BTK: variants seen among roughly 807,000 people sequenced by gnomAD.
BTK encodes the protein Bruton tyrosine kinase.
BTK carries 5 observed loss-of-function variants against 57.4 expected under a neutral mutation model. The ratio of observed to expected loss-of-function variants is 0.09; its 90% CI spans 0.05 to 0.18. The LOEUF (loss-of-function observed/expected upper bound fraction) is 0.18, where lower values mean the gene tolerates loss of function less well. Among genes scored for constraint, BTK ranks in the 10% least tolerant of loss-of-function variants. The pLI is 1.00. For missense variants in BTK, 194 were observed against 501.2 expected (o/e 0.39, Z 5.85); for synonymous variants, 154 against 174.3 (o/e 0.88, Z 0.92).
upstream of BTK, among the ~76,000 whole-genome samples, chrX:101,387,268 A>G (rs1890496227): frequency 9.1e-6 from 1 of 109,470 alleles, no homozygotes; most frequent in Admixed American, 9.8e-5. Flanking sequence ...TATATGTGTG[A>G]CATGGTGATT....
chrX:101,383,538 T>G (rs75290264), intron 1 of BTK, among the ~76,000 whole-genome samples: 1 of 99,109 alleles, frequency 1.0e-5, no homozygotes, highest in Non-Finnish European at 2.0e-5. Flanking sequence ...CAGACAAATC[T>G]TTTTTTTTTT....
At chrX:101,381,901 G>A (rs782015118) in intron 1 of BTK, among the ~76,000 whole-genome samples, 66 of 108,678 alleles carry the variant, frequency 6.1e-4, no homozygotes, top group African/African-American at 1.7e-3. Context: ...GCGTGGTGGC[G>A]CGCACCTGTA....
At chrX:101,386,286 G>A (rs781924152), upstream of BTK, 1 of 111,011 alleles carries the variant, frequency 9.0e-6, no homozygotes, top group East Asian at 2.8e-4. Context: ...CATGCTATCT[G>A]GTTCCCTGCT....
At chrX:101,379,233 C>T (rs1555981464) in intron 1 of BTK, among the ~76,000 whole-genome samples, 1 of 109,601 alleles carries the variant, frequency 9.1e-6, no homozygotes. Flanking sequence ...ACTACACAGC[C>T]AGCCTATGAT....
chrX:101,364,127 G>A (rs781802330), intron 5 of BTK, among the ~76,000 whole-genome samples: 179 of 108,441 alleles, frequency 1.7e-3, no homozygotes, highest in Non-Finnish European at 2.5e-3. Flanking sequence ...ACTAAAATCC[G>A]GCTGGGTGTG....
At chrX:101,369,794 T>G (rs1264264306) in intron 5 of BTK, among the ~76,000 whole-genome samples, 1 of 109,795 alleles carries the variant, frequency 9.1e-6, no homozygotes, top group Non-Finnish European at 1.9e-5. Flanking sequence ...CTTTCCTTGC[T>G]TCCTTCCTTC....
chrX:101,353,448 G>T, intron 17 of BTK, 97 bp from the exon 18 acceptor site: 1 of 917,882 alleles, frequency 1.1e-6, no homozygotes, highest in East Asian at 3.1e-5. Context: ...AGAATCAGTT[G>T]GTTCCCCGCT....
At chrX:101,382,801 C>G (rs1275381511) in intron 1 of BTK, among the ~76,000 whole-genome samples, 1 of 110,964 alleles carries the variant, frequency 9.0e-6, no homozygotes, top group Non-Finnish European at 1.9e-5. Context: ...GCCCTTTTGG[C>G]CTTCTTTTTC....
chrX:101,380,557 A>G (rs192801441), intron 1 of BTK, among the ~76,000 whole-genome samples: 4 of 111,712 alleles, frequency 3.6e-5, no homozygotes, highest in Admixed American at 2.9e-4. Flanking sequence ...TACAATCTAT[A>G]TAATCAAGAC....
At chrX:101,388,670 C>A (rs781904774), upstream of BTK, among the ~76,000 whole-genome samples, 5 of 111,670 alleles carry the variant, frequency 4.5e-5, no homozygotes, top group Non-Finnish European at 9.4e-5. Flanking sequence ...CATAATTGGG[C>A]CCCAAATTTG....
intron 2 of BTK, 40 bp downstream of exon 2, chrX:101,375,104 T>C: frequency 8.3e-7 from 1 of 1,207,966 alleles, no homozygotes; most frequent in Non-Finnish European, 1.1e-6. Flanking sequence ...GCCAAGTCCT[T>C]GATATCTTGA....
intron 10 of BTK, 124 bp downstream of exon 10, chrX:101,359,169 T>A: frequency 1.3e-6 from 1 of 775,182 alleles, no homozygotes; most frequent in East Asian, 3.2e-5. Flanking sequence ...ATGGTGTAAT[T>A]GGGATCCCAG....
intron 7 of BTK, 72 bp from the exon 8 acceptor site, chrX:101,360,827 C>G: frequency 9.5e-7 from 1 of 1,052,428 alleles, no homozygotes; most frequent in Non-Finnish European, 1.3e-6. Context: ...TCCCAACTCT[C>G]TGGCTTACTC....
chrX:101,357,513 T>C lies in BTK; in HGVS notation c.1173A>G (p.Gly391=). The C allele has an allele frequency of 8.3e-7, 1 of 1,210,110 alleles. No homozygotes were observed. Among genetic ancestry groups the C allele is most frequent in the Non-Finnish European group, 1.1e-6 (1 of 894,221 alleles). ...NKNAPSTAGL[G]YGSWEIDPKD... ...CCCAGAGAAATAAGGAGTTACCGTATCCCAGGCCTGCAGTGGAAGGTGCAT... is the reference window on the plus strand; with the variant it reads ...CCCAGAGAAATAAGGAGTTACCGTACCCCAGGCCTGCAGTGGAAGGTGCAT... Residue 391 remains glycine (G), a synonymous_variant, in exon 13 of 19, where the codon GGA becomes GGG. Transcript: ENST00000308731.
intron 3 of BTK, among the ~76,000 whole-genome samples, chrX:101,371,974 T>C (rs1555980393): frequency 8.9e-6 from 1 of 112,063 alleles, no homozygotes; most frequent in Non-Finnish European, 1.9e-5. Flanking sequence ...CCACTAACGT[T>C]GTGGGGAGGA....
At chrX:101,350,401 CTTTT>C (rs782749965) in intron 18 of BTK, among the ~76,000 whole-genome samples, 1 of 68,710 alleles carries the variant, frequency 1.5e-5, no homozygotes, top group African/African-American at 5.6e-5. Flanking sequence ...TACCTGGGAC[CTTTT>C]TTTTTTTTTT....
chrX:101,356,579 C>T (rs1388308916), intron 14 of BTK: 1 of 473,351 alleles, frequency 2.1e-6, no homozygotes, highest in Non-Finnish European at 3.6e-6. Flanking sequence ...TGGTACACAC[C>T]CATGATCACC....
intron 5 of BTK, among the ~76,000 whole-genome samples, chrX:101,369,563 A>G (rs782298335): frequency 4.7e-4 from 53 of 111,902 alleles, no homozygotes; most frequent in African/African-American, 1.6e-3. Flanking sequence ...AGTGCAAAAA[A>G]TGGGACTTTT....
chrX:101,350,674 T>C (rs1402518138), intron 18 of BTK, among the ~76,000 whole-genome samples: 1 of 110,923 alleles, frequency 9.0e-6, no homozygotes, highest in Non-Finnish European at 1.9e-5. Flanking sequence ...CTCGAATTCC[T>C]GACCTAAGGT....
Sources: gnomAD v4.1 joint callset for allele counts (sites outside exome capture counted in the v4.1 genomes callset) on GRCh38, gnomAD v4.1.1 for gene constraint, MANE v1.5 for transcripts, NCBI Gene and HGNC (gene_info 2026-07-23, HGNC 2026-07-21) for gene names.